Variants in NEO1 observed in about 807,000 individuals in gnomAD.
NEO1 encodes the protein neogenin.
In NEO1, 63 loss-of-function variants were observed where a neutral mutation model predicts 159.7. That is an observed-to-expected ratio of 0.39 (90% CI 0.32 to 0.49). NEO1 has a LOEUF of 0.49. Among genes scored for constraint, NEO1 ranks in the 20% least tolerant of loss-of-function variants. The pLI is 0.85. For missense variants in NEO1, 1,615 were observed against 1,831.0 expected (o/e 0.88, Z 2.15); for synonymous variants, 633 against 662.0 (o/e 0.96, Z 0.67).
intron 22 of NEO1, among the ~76,000 whole-genome samples, chr15:73,282,310 C>T (rs541521581): frequency 2.0e-5 from 3 of 152,190 alleles, no homozygotes; most frequent in African/African-American, 7.2e-5. Context: ...CCCATTCCCC[C>T]GCCAAACGTT....
chr15:73,124,192 GCTGGGACAAACGGTACACA>G (rs1312786044), intron 3 of NEO1, among the ~76,000 whole-genome samples: 1 of 151,996 alleles, frequency 6.6e-6, no homozygotes, highest in African/African-American at 2.4e-5. Flanking sequence ...CCTACGAGTA[GCTGGGACAAACGGTACACA>G]CCACCACATC....
chr15:73,158,560 G>A (rs2033949189), intron 5 of NEO1, among the ~76,000 whole-genome samples: 1 of 151,798 alleles, frequency 6.6e-6, no homozygotes, highest in South Asian at 2.1e-4. Flanking sequence ...GCTAATTTTT[G>A]TATTTTTTTG....
intron 5 of NEO1, among the ~76,000 whole-genome samples, chr15:73,147,924 C>T (rs1392029870): frequency 1.3e-5 from 2 of 151,820 alleles, no homozygotes; most frequent in Non-Finnish European, 2.9e-5. Context: ...AGTGATTCTC[C>T]TGCCTCAGCC....
intron 1 of NEO1, among the ~76,000 whole-genome samples, chr15:73,073,860 G>A (rs1452154107): frequency 6.6e-6 from 1 of 152,142 alleles, no homozygotes; most frequent in Non-Finnish European, 1.5e-5. Flanking sequence ...ATTGTTTTCA[G>A]TGCCTTTTCC....
chr15:73,106,968 A>G lies in NEO1; in HGVS notation c.131-9572A>G, dbSNP rs141713546. Among the ~76,000 whole-genome samples, 764 of 152,296 alleles carry G rather than the reference A, an allele frequency of 5.0e-3. 6 individuals are homozygous for G. Among genetic ancestry groups the G allele is most frequent in the African/African-American group, 0.017 (726 of 41,556 alleles). On this transcript the variant is annotated intron_variant, in intron 1 of 28. Transcript: ENST00000261908. ...TATTGGATCCCTTGACTTCTGTTTT[A>G]TATCTTGCTGGTTTTACCCTCAGTC...
chr15:73,273,819 A>C lies in NEO1; in HGVS notation c.2974A>C (p.Ile992Leu), dbSNP rs140996696. Residue 992 changes from isoleucine (I) to leucine (L), a missense_variant, in exon 20 of 29, where the codon ATA becomes CTA. By Grantham distance (5) the Ile-to-Leu change is conservative. Coordinates refer to ENST00000261908, the MANE Select transcript of NEO1 (RefSeq NM_002499.4). ...EANGKITGYI[I>L]YYSTDVNAEI... ...TTAATTCCTTTGGACAGGTTACATC[A>C]TATATTACAGTACAGATGTGAATGC... 592 of 1,612,550 alleles carry C rather than the reference A, an allele frequency of 3.7e-4. 2 individuals are homozygous for C. The Middle Eastern group carries it at 4.8e-3, about 13-fold the overall frequency.
chr15:73,073,597 T>G (rs1320584600), intron 1 of NEO1, among the ~76,000 whole-genome samples: 1 of 152,092 alleles, frequency 6.6e-6, no homozygotes, highest in Admixed American at 6.6e-5. Flanking sequence ...TGAGCACAAG[T>G]AGAAAGATTT....
intron 11 of NEO1, among the ~76,000 whole-genome samples, 181 bp downstream of exon 11, chr15:73,249,902 A>T (rs893161367): frequency 1.2e-4 from 18 of 152,332 alleles, no homozygotes; most frequent in Non-Finnish European, 2.4e-4. Context: ...AGATAATACC[A>T]ACTTCATTGA....
At chr15:73,232,181 C>T (rs896012122) in intron 7 of NEO1, among the ~76,000 whole-genome samples, 1 of 152,126 alleles carries the variant, frequency 6.6e-6, no homozygotes, top group Non-Finnish European at 1.5e-5. Context: ...CTGACTCTTC[C>T]TCCCACCCCC....
intron 25 of NEO1, among the ~76,000 whole-genome samples, chr15:73,292,752 C>A (rs1596628076): frequency 6.6e-6 from 1 of 152,218 alleles, no homozygotes; most frequent in South Asian, 2.1e-4. Context: ...ATGGTGCCAT[C>A]AGCCAGTGGT....
At chr15:73,073,364 G>GCAA (rs2068625577) in intron 1 of NEO1, among the ~76,000 whole-genome samples, 1 of 152,136 alleles carries the variant, frequency 6.6e-6, no homozygotes, top group Admixed American at 6.5e-5. Flanking sequence ...GGGAGGAAAT[G>GCAA]AAGACTGAAA....
chr15:73,222,222 A>C (rs1051566010), intron 7 of NEO1: 5 of 143,848 alleles, frequency 3.5e-5, no homozygotes, highest in African/African-American at 1.3e-4. Flanking sequence ...CTCCTGCCTC[A>C]GCCTCCCGAA....
intron 7 of NEO1, among the ~76,000 whole-genome samples, chr15:73,205,749 C>T (rs2037176759): frequency 6.6e-6 from 1 of 152,296 alleles, no homozygotes; most frequent in South Asian, 2.1e-4. Flanking sequence ...ATTTGCCCTG[C>T]AATCTCATTT....
At chr15:73,283,295 T>G (rs1029177684) in intron 23 of NEO1, among the ~76,000 whole-genome samples, 184 bp downstream of exon 23, 1 of 152,234 alleles carries the variant, frequency 6.6e-6, no homozygotes, top group Non-Finnish European at 1.5e-5. Flanking sequence ...AGAAAAGAGC[T>G]GGCACATTTA....
intron 15 of NEO1, among the ~76,000 whole-genome samples, chr15:73,263,475 G>T (rs541572728): frequency 6.6e-6 from 1 of 152,164 alleles, no homozygotes; most frequent in East Asian, 1.9e-4. Context: ...GATTACAGGC[G>T]TGAGCCACTG....
chr15:73,282,939 A>G, intron 22 of NEO1, 25 bp from the exon 23 acceptor site: 1 of 1,611,150 alleles, frequency 6.2e-7, no homozygotes, highest in African/African-American at 1.3e-5. Flanking sequence ...TAACCCTAAC[A>G]CATGTACCAT....
intron 1 of NEO1, among the ~76,000 whole-genome samples, chr15:73,065,701 C>G (rs1033524158): frequency 2.6e-5 from 4 of 152,104 alleles, no homozygotes; most frequent in South Asian, 4.1e-4. Flanking sequence ...GTATTTATCC[C>G]GCTTATTGAG....
At chr15:73,185,874 A>G (rs2035891508) in intron 7 of NEO1, among the ~76,000 whole-genome samples, 1 of 152,174 alleles carries the variant, frequency 6.6e-6, no homozygotes, top group African/African-American at 2.4e-5. Context: ...CTCACAGGGA[A>G]AACAGAACAA....
At chr15:73,213,289 T>G (rs895614239) in intron 7 of NEO1, among the ~76,000 whole-genome samples, 6 of 152,190 alleles carry the variant, frequency 3.9e-5, no homozygotes, top group Non-Finnish European at 5.9e-5. Context: ...TTTTCATTTT[T>G]CCGTAAGTTA....
Sources: gnomAD v4.1 joint callset for allele counts (sites outside exome capture counted in the v4.1 genomes callset) on GRCh38, gnomAD v4.1.1 for gene constraint, MANE v1.5 for transcripts, NCBI Gene and HGNC (gene_info 2026-07-23, HGNC 2026-07-21) for gene names.